DENND2A: variants seen among roughly 807,000 people sequenced by gnomAD.
DENND2A encodes DENN domain containing 2A, also known as DENN domain-containing protein 2A.
Under a neutral mutation model 105.3 loss-of-function variants are expected in DENND2A, and 53 were observed. The ratio of observed to expected loss-of-function variants is 0.50; its 90% CI spans 0.40 to 0.63. The LOEUF (loss-of-function observed/expected upper bound fraction) is 0.63. Among genes scored for constraint, DENND2A ranks in the 30% least tolerant of loss-of-function variants. The pLI is 0.00. For missense variants in DENND2A, 1,138 were observed against 1,279.6 expected, an observed-to-expected ratio of 0.89 and a Z score of 1.69; for synonymous variants, 522 against 508.4, an observed-to-expected ratio of 1.03 and a Z score of -0.36.
intron 14 of DENND2A, among the ~76,000 whole-genome samples, chr7:140,539,636 T>C (rs1796579777): frequency 6.6e-6 from 1 of 152,192 alleles, no homozygotes; most frequent in Non-Finnish European, 1.5e-5. Flanking sequence ...ACGGATCCTC[T>C]GCACGCCTGT....
In DENND2A at chr7:140,518,652, C is replaced by G; in HGVS notation, c.*55G>C. ...AGCCTTTCAGAAAGGCCACCAGGAACTGTTTTTAAAGCATAGGGCTGCACT... is the reference window on the plus strand; with the variant it reads ...AGCCTTTCAGAAAGGCCACCAGGAAGTGTTTTTAAAGCATAGGGCTGCACT... On this transcript the variant is annotated 3_prime_UTR_variant, in exon 20 of 20. Transcript: ENST00000496613. 1 of 1,578,708 alleles carries G rather than the reference C, an allele frequency of 6.3e-7. No homozygotes were observed. Among genetic ancestry groups the G allele is most frequent in the Non-Finnish European group, 8.7e-7 (1 of 1,149,782 alleles).
intron 6 of DENND2A, among the ~76,000 whole-genome samples, chr7:140,573,039 T>C (rs954176006): frequency 5.9e-5 from 9 of 152,226 alleles, no homozygotes; most frequent in Non-Finnish European, 1.0e-4. Context: ...CCTATCTTCC[T>C]GGTTACTTTT....
chr7:140,638,218 A>G (rs1257072164), intron 1 of DENND2A, among the ~76,000 whole-genome samples: 2 of 152,142 alleles, frequency 1.3e-5, no homozygotes, highest in African/African-American at 4.8e-5. Flanking sequence ...TATGCAACCC[A>G]GTGTATTTTT....
chr7:140,556,580 C>A (rs1472280179), intron 11 of DENND2A, among the ~76,000 whole-genome samples: 1 of 151,940 alleles, frequency 6.6e-6, no homozygotes, highest in Non-Finnish European at 1.5e-5. Context: ...GCTCAGGCAA[C>A]CTGCCCACCT....
chr7:140,583,896 A>C (rs1390940136), intron 5 of DENND2A, among the ~76,000 whole-genome samples: 2 of 145,586 alleles, frequency 1.4e-5, no homozygotes, highest in East Asian at 3.9e-4. Flanking sequence ...ACTGCACTCC[A>C]GCCTGGGCGA....
In DENND2A at chr7:140,527,571, T is replaced by C; in HGVS notation, c.2328-76A>G. 7.0e-7 allele frequency: 1 copy of C among 1,428,562 alleles called. No individual in the cohort carries two copies. Among genetic ancestry groups the C allele is most frequent in the South Asian group, 1.4e-5 (1 of 72,000 alleles). The allele number at this position is 1,428,562 out of a possible 1,614,324, so 88.5% of individuals were successfully genotyped here. A position where few individuals can be genotyped will look rare whatever the true frequency, so the allele number is the denominator to read the frequency against. On this transcript the variant is annotated intron_variant, in intron 14 of 19. Coordinates refer to ENST00000496613, the MANE Select transcript of DENND2A (RefSeq NM_015689.5). This position sits in a 1 kb window ranked among gnomAD's most constrained non-coding sequence, Gnocchi z 4.9. ...GGAAGCCTCCAGGGGAGAAGGCTCC[T>C]CCCAGAGACAGGATGACTAGGAAAG...
chr7:140,553,957 G>A (rs1001690108), intron 12 of DENND2A, among the ~76,000 whole-genome samples: 3 of 152,234 alleles, frequency 2.0e-5, no homozygotes, highest in Admixed American at 1.3e-4. Context: ...GCCGGATGCA[G>A]TGGCTTGTGC....
intron 1 of DENND2A, among the ~76,000 whole-genome samples, chr7:140,630,898 A>G (rs1461936705): frequency 6.6e-6 from 1 of 152,116 alleles, no homozygotes; most frequent in East Asian, 1.9e-4. Context: ...AAATTATAAC[A>G]AAGGTGTGCA....
rs184507109 is a variant in DENND2A at position 140,537,552 on chromosome 7, C to T, written c.2327+7066G>A. On this transcript the variant is annotated intron_variant, in intron 14 of 19. Transcript: ENST00000496613. ...AAACTCCTGGGCTCACGTGATCCTT[C>T]CACCTCAGCCTCCTGAGTAGCTGGA... Among the ~76,000 whole-genome samples the T allele has an allele frequency of 2.6e-4, 39 of 152,352 alleles. No homozygotes were observed. In the East Asian group the frequency reaches 5.2e-3, roughly 20 times the overall value.
At chr7:140,542,962 G>A (rs997797555) in intron 14 of DENND2A, among the ~76,000 whole-genome samples, 5 of 152,010 alleles carry the variant, frequency 3.3e-5, no homozygotes, top group Admixed American at 6.6e-5. Context: ...TACTTGTTCT[G>A]AGTGTTGGCC....
chr7:140,555,490 G>A, intron 12 of DENND2A, 146 bp downstream of exon 12: 1 of 703,776 alleles, frequency 1.4e-6, no homozygotes. Flanking sequence ...GAATAGAGGG[G>A]TGATGAGGAG....
intron 3 of DENND2A, among the ~76,000 whole-genome samples, chr7:140,588,307 A>G (rs147355141): frequency 6.6e-6 from 1 of 152,210 alleles, no homozygotes; most frequent in Non-Finnish European, 1.5e-5. Flanking sequence ...AAAATAATAA[A>G]GTATATGTAA....
chr7:140,604,945 C>G (rs188458970), intron 2 of DENND2A, among the ~76,000 whole-genome samples: 1 of 152,160 alleles, frequency 6.6e-6, no homozygotes, highest in Non-Finnish European at 1.5e-5. Flanking sequence ...TTGGTATCAA[C>G]AAATGGTAAC....
chr7:140,574,703 C>A (rs79635777), intron 5 of DENND2A, among the ~76,000 whole-genome samples: 5,546 of 152,184 alleles, frequency 0.036, 346 homozygotes, highest in African/African-American at 0.12. Context: ...CCCTCAATAT[C>A]TTATTTCTAA....
At chr7:140,632,768 T>G (rs1390269345) in intron 1 of DENND2A, among the ~76,000 whole-genome samples, 1 of 150,924 alleles carries the variant, frequency 6.6e-6, no homozygotes, top group African/African-American at 2.4e-5. Context: ...GGGGTTTCAT[T>G]GGCCAGACGG....
intron 14 of DENND2A, among the ~76,000 whole-genome samples, chr7:140,530,259 A>G (rs1031596871): frequency 1.3e-5 from 2 of 152,168 alleles, no homozygotes; most frequent in Admixed American, 6.6e-5. Flanking sequence ...TACATGATAA[A>G]TATATGCCAT....
chr7:140,628,697 G>A (rs955477951), intron 1 of DENND2A, among the ~76,000 whole-genome samples: 1 of 151,622 alleles, frequency 6.6e-6, no homozygotes, highest in African/African-American at 2.4e-5. Context: ...GCGCCACCAC[G>A]CCCGGCCAAT....
At chr7:140,586,508 G>C (rs1798790150) in intron 4 of DENND2A, among the ~76,000 whole-genome samples, 1 of 152,048 alleles carries the variant, frequency 6.6e-6, no homozygotes, top group Non-Finnish European at 1.5e-5. Flanking sequence ...GCAGTGAGTT[G>C]AGACTGTGCC....
chr7:140,552,978 T>TAGGGGTGA (rs1263935230), intron 12 of DENND2A, among the ~76,000 whole-genome samples: 7 of 152,154 alleles, frequency 4.6e-5, no homozygotes, highest in South Asian at 2.1e-4. Flanking sequence ...GAAATGCTTT[T>TAGGGGTGA]AGGGGTGAAG....
Sources: allele counts gnomAD v4.1 joint callset (sites outside exome capture counted in the v4.1 genomes callset), GRCh38; gene constraint gnomAD v4.1.1; non-coding constraint Gnocchi (gnomAD v3.1); transcripts MANE v1.5; gene names NCBI Gene and HGNC (gene_info 2026-07-23, HGNC 2026-07-21).